Variants in MN1 observed in about 807,000 individuals in gnomAD.
The protein encoded by MN1 is MN1 proto-oncogene, transcriptional regulator, also known as transcriptional activator MN1.
MN1 carries 19 observed loss-of-function variants against 86.9 expected under a neutral mutation model. The ratio of observed to expected loss-of-function variants is 0.22; its 90% CI spans 0.15 to 0.32. The LOEUF (loss-of-function observed/expected upper bound fraction) is 0.32, where lower values mean the gene tolerates loss of function less well. Among genes scored for constraint, MN1 ranks in the 10% least tolerant of loss-of-function variants. The probability of loss-of-function intolerance (pLI) is 1.00; values close to 1 mark genes in which losing one functional copy is unlikely to be tolerated. For synonymous variants in MN1, 928 were observed against 849.6 expected, an observed-to-expected ratio of 1.09 and a Z score of -1.60; for missense variants, 1,841 against 1,862.0, an observed-to-expected ratio of 0.99 and a Z score of 0.21.
At chr22:27,773,376 G>A (rs1337819108) in intron 1 of MN1, among the ~76,000 whole-genome samples, 1 of 152,220 alleles carries the variant, frequency 6.6e-6, no homozygotes. Flanking sequence ...GAGCGAGGGA[G>A]AGAGGGAGGC....
At chr22:27,778,285 C>A (rs905630132) in intron 1 of MN1, among the ~76,000 whole-genome samples, 4 of 152,180 alleles carry the variant, frequency 2.6e-5, no homozygotes, top group African/African-American at 9.7e-5. Flanking sequence ...CACTGGTTGG[C>A]GTTGTAACAC....
rs1201788900 is a variant in MN1 at position 27,749,267 on chromosome 22, GT to G, written c.*1647del. ...AAATAAACAACGTGGGTGTTGTATG[GT>G]GAGCCCAGAGCCTTCAGGTCACTTG... is the stretch of plus-strand genomic sequence containing the variant. On this transcript the variant is annotated 3_prime_UTR_variant, in exon 2 of 2. Coordinates refer to ENST00000302326, the MANE Select transcript of MN1 (RefSeq NM_002430.3). 5 of 231,566 alleles carry G rather than the reference GT, an allele frequency of 2.2e-5. No individual in the cohort carries two copies. The highest frequency in any genetic ancestry group is 8.8e-5 in the African/African-American group (4 of 45,284). The allele number at this position is 231,566 out of a possible 1,614,324, so 14.3% of individuals were successfully genotyped here. A position where few individuals can be genotyped will look rare whatever the true frequency, so the allele number is the denominator to read the frequency against.
Position 27,797,883 on chromosome 22 carries a change from G to A in MN1, c.2661C>T (p.Ala887=), listed in dbSNP as rs1321981849. The change falls in exon 1 of 2, where the codon GCC becomes GCT. Residue 887 remains alanine, a synonymous_variant. Coordinates refer to ENST00000302326, the MANE Select transcript of MN1 (RefSeq NM_002430.3). ...DYFPGGTAPG[A]PGPGGPSGTS... Reference sequence around the variant, plus strand: ...TCCCGGACGGGCCTCCGGGTCCTGGGGCCCCAGGAGCAGTCCCTCCTGGGA... The same window carrying A: ...TCCCGGACGGGCCTCCGGGTCCTGGAGCCCCAGGAGCAGTCCCTCCTGGGA... 6.3e-7 allele frequency: 1 copy of A among 1,594,184 alleles called. No homozygotes were observed. Among genetic ancestry groups the A allele is most frequent in the Non-Finnish European group, 8.5e-7 (1 of 1,170,924 alleles).
intron 1 of MN1, among the ~76,000 whole-genome samples, chr22:27,793,840 G>A (rs1402171560): frequency 6.6e-6 from 1 of 152,146 alleles, no homozygotes; most frequent in Non-Finnish European, 1.5e-5. Flanking sequence ...ATCCGAGCAC[G>A]GATCATTTTG....
chr22:27,783,583 T>C (rs1933082490), intron 1 of MN1, among the ~76,000 whole-genome samples: 1 of 152,186 alleles, frequency 6.6e-6, no homozygotes, highest in Admixed American at 6.5e-5. Flanking sequence ...AGGTCAACTA[T>C]AGTCCTGTCC....
intron 1 of MN1, among the ~76,000 whole-genome samples, chr22:27,789,945 T>TG (rs1188016756): frequency 2.0e-5 from 3 of 152,204 alleles, no homozygotes; most frequent in Admixed American, 2.0e-4. Context: ...GTACCTAGGG[T>TG]GCCAGTCCAA....
rs746022602 is a variant in MN1, at chr22:27,798,496, G to C, written c.2048C>G (p.Pro683Arg). The change falls in exon 1 of 2, where the codon CCG becomes CGG. Residue 683 changes from proline to arginine, a missense_variant. Physicochemically the swap from Pro to Arg is moderately radical, Grantham distance 103. Coordinates refer to ENST00000302326, the MANE Select transcript of MN1 (RefSeq NM_002430.3). ...GTGGCCCTCTCCGGGCATCCTCATC[G>C]GCTCCTGCAGAGGGCCCCGGAACAG... ...GVLFRGPLQE[P>R]MRMPGEGHVP... is the part of the protein sequence containing the mutation. 7 of 1,550,328 alleles carry C rather than the reference G, an allele frequency of 4.5e-6. No homozygotes were observed. The highest frequency in any genetic ancestry group is 1.4e-5 in the African/African-American group (1 of 72,244).
In MN1 at chr22:27,748,359, A is replaced by ACTG. The variant is rs1932716647; in HGVS notation, c.*2553_*2555dup. On this transcript the variant is annotated 3_prime_UTR_variant, in exon 2 of 2. Coordinates refer to ENST00000302326, the MANE Select transcript of MN1 (RefSeq NM_002430.3). ...TATACAATATGCAGGAATACAGAAG[A>ACTG]CTGCACTTTACATATTTTTTTAAAA... 1 of 179,798 alleles carries ACTG rather than the reference A, an allele frequency of 5.6e-6. No individual in the cohort carries two copies. Among genetic ancestry groups the ACTG allele is most frequent in the Non-Finnish European group, 1.2e-5 (1 of 83,822 alleles). 11.1% of individuals were successfully genotyped at this position (179,798 alleles called of 1,614,324 possible). A position where few individuals can be genotyped will look rare whatever the true frequency, so the allele number is the denominator to read the frequency against.
chr22:27,748,433 T>TCCA lies in MN1; in HGVS notation c.*2479_*2481dup, dbSNP rs1281957527. 4.2e-5 allele frequency: 8 copies of TCCA among 190,422 alleles called. No homozygotes were observed. The highest frequency in any genetic ancestry group is 1.9e-4 in the African/African-American group (8 of 42,908). 11.8% of individuals were successfully genotyped at this position (190,422 alleles called of 1,614,324 possible). On this transcript the variant is annotated 3_prime_UTR_variant, in exon 2 of 2. Coordinates refer to ENST00000302326, the MANE Select transcript of MN1 (RefSeq NM_002430.3). ...ATTTCATGAGCTATTGTCACAGTCT[T>TCCA]CCAACCAAGCATTTCAGAAATGAAT...
In MN1 at chr22:27,797,121, G is replaced by C; in HGVS notation, c.3423C>G (p.Ser1141Arg). ...GLEQVRTPTS[S>R]SGAPPPDEIH... The stretch of plus-strand genomic sequence containing the variant: ...TCTCGTCGGGTGGCGGGGCGCCGCT[G>C]CTGCTCGTCGGGGTGCGGACCTGCT... The change falls in exon 1 of 2, where the codon AGC becomes AGG. Residue 1141 changes from serine (S) to arginine (R), a missense_variant. By Grantham distance (110) the Ser-to-Arg change is moderately radical (BLOSUM62 -1). Transcript: ENST00000302326. 6.3e-7 allele frequency: 1 copy of C among 1,586,468 alleles called. No individual in the cohort carries two copies.
rs1933316608 is a variant in MN1, at chr22:27,797,319, A to T, written c.3225T>A (p.Ser1075Arg). The T allele has an allele frequency of 6.2e-7, 1 of 1,602,138 alleles. No homozygotes were observed. Among genetic ancestry groups the T allele is most frequent in the Non-Finnish European group, 8.5e-7 (1 of 1,179,604 alleles). The change falls in exon 1 of 2, where the codon AGT becomes AGA. Residue 1075 changes from serine (S) to arginine (R), a missense_variant. Transcript: ENST00000302326. ...NPQALVKASRSPLVTGSPKLP... is the reference protein window; with the variant it reads ...NPQALVKASRRPLVTGSPKLP... ...GTTTGGGCGAGCCGGTCACCAGGGG[A>T]CTCCTGCTCGCTTTAACTAGTGCCT...
At chr22:27,771,972 A>T (rs1932920836) in intron 1 of MN1, among the ~76,000 whole-genome samples, 1 of 152,180 alleles carries the variant, frequency 6.6e-6, no homozygotes, top group Non-Finnish European at 1.5e-5. Context: ...TCTTCCAGAG[A>T]GGTTGTTGGA....
chr22:27,796,910 T>G lies in MN1; in HGVS notation c.3634A>C (p.Ser1212Arg). Residue 1212 changes from serine to arginine, a missense_variant, in exon 1 of 2, where the codon AGC becomes CGC. Coordinates refer to ENST00000302326, the MANE Select transcript of MN1 (RefSeq NM_002430.3). ...ATCAGCGAGTCCAGGTCAATGGTGCTCATGGCGCTCTTGACCGCCTCGGAG... is the reference window on the plus strand; with the variant it reads ...ATCAGCGAGTCCAGGTCAATGGTGCGCATGGCGCTCTTGACCGCCTCGGAG... ...CCSEAVKSAM[S>R]TIDLDSLMAE... 1 of 1,613,044 alleles carries G rather than the reference T, an allele frequency of 6.2e-7. No homozygotes were observed. The highest frequency in any genetic ancestry group is 1.7e-5 in the Admixed American group (1 of 60,014).
intron 1 of MN1, among the ~76,000 whole-genome samples, chr22:27,755,481 G>T (rs190172559): frequency 6.6e-6 from 1 of 152,304 alleles, no homozygotes; most frequent in Admixed American, 6.5e-5. Flanking sequence ...CAGTTTTTAA[G>T]GACAGCTATG....
Position 27,798,298 on chromosome 22 carries a change from C to T in MN1, c.2246G>A (p.Gly749Asp). 1 of 1,525,952 alleles carries T rather than the reference C, an allele frequency of 6.6e-7. No homozygotes were observed. The highest frequency in any genetic ancestry group is 8.7e-7 in the Non-Finnish European group (1 of 1,146,596). 94.5% of individuals were successfully genotyped at this position (1,525,952 alleles called of 1,614,324 possible). The change falls in exon 1 of 2, where the codon GGT (glycine) becomes GAT (aspartate). Residue 749 changes from glycine to aspartate, a missense_variant. Coordinates refer to ENST00000302326, the MANE Select transcript of MN1 (RefSeq NM_002430.3). Reference sequence around the variant, plus strand: ...CGGCGTGGACTGCCGGCCGGCTGCACCAAACGGAAAGCCCGGCTGGCCCCC... The same window carrying T: ...CGGCGTGGACTGCCGGCCGGCTGCATCAAACGGAAAGCCCGGCTGGCCCCC... ...ALGGQPGFPF[G>D]AAGRQSTPHS... is the part of the protein sequence containing the mutation.
intron 1 of MN1, among the ~76,000 whole-genome samples, chr22:27,779,475 G>A (rs1314689002): frequency 1.3e-5 from 2 of 152,210 alleles, no homozygotes; most frequent in African/African-American, 4.8e-5. Flanking sequence ...GAGGAGGCAA[G>A]ACACAGAGTT....
Position 27,799,227 on chromosome 22 carries a change from G to C in MN1, c.1317C>G (p.Asn439Lys). The change falls in exon 1 of 2, where the codon AAC becomes AAG. Residue 439 changes from asparagine to lysine, a missense_variant. By Grantham distance (94) the Asn-to-Lys change is moderately conservative (BLOSUM62 0). Transcript: ENST00000302326. ...GCGCGTCGAAATGCTGCAGCCGCTG[G>C]TTGGGCGCCTGCTGCGGAGGAGGAT... is the stretch of plus-strand genomic sequence containing the variant. ...MQHPPPQQAP[N>K]QRLQHFDAPP... The C allele has an allele frequency of 6.3e-7, 1 of 1,597,982 alleles. No homozygotes were observed. Among genetic ancestry groups the C allele is most frequent in the African/African-American group, 1.3e-5 (1 of 74,772 alleles).
intron 1 of MN1, among the ~76,000 whole-genome samples, chr22:27,752,814 T>TG (rs968135830): frequency 6.6e-6 from 1 of 151,874 alleles, no homozygotes; most frequent in Non-Finnish European, 1.5e-5. Flanking sequence ...AAATTGGGGG[T>TG]GGGGGGCTCT....
At chr22:27,765,831 G>A (rs2040364974) in intron 1 of MN1, among the ~76,000 whole-genome samples, 2 of 152,226 alleles carry the variant, frequency 1.3e-5, no homozygotes, top group Non-Finnish European at 2.9e-5. Flanking sequence ...TGTGCCTGGT[G>A]AAGGGGGTGG....
Sources: gnomAD v4.1 joint callset for allele counts (sites outside exome capture counted in the v4.1 genomes callset) on GRCh38, gnomAD v4.1.1 for gene constraint, MANE v1.5 for transcripts, NCBI Gene and HGNC (gene_info 2026-07-23, HGNC 2026-07-21) for gene names.